Variants in PCDHGA5 observed in about 807,000 individuals in gnomAD.
The protein encoded by PCDHGA5 is protocadherin gamma-A5.
Under a neutral mutation model 56.7 loss-of-function variants are expected in PCDHGA5, and 36 were observed. The ratio of observed to expected loss-of-function variants is 0.64; its 90% CI spans 0.49 to 0.84. The LOEUF is 0.84. Among genes scored for constraint, PCDHGA5 ranks in the 40% least tolerant of loss-of-function variants. The probability of loss-of-function intolerance (pLI) is 0.00; values close to 1 mark genes in which losing one functional copy is unlikely to be tolerated. For missense variants in PCDHGA5, 1,305 were observed against 1,201.5 expected (o/e 1.09, Z -1.27); for synonymous variants, 563 against 520.2 (o/e 1.08, Z -1.12).
chr5:141,398,525 T>A, intron 1 of PCDHGA5: 1 of 1,613,440 alleles, frequency 6.2e-7, no homozygotes, highest in Non-Finnish European at 8.5e-7. Flanking sequence ...ACGCCAAAAT[T>A]CACGCAAAAT....
chr5:141,501,789 C>T (rs367954511), intron 2 of PCDHGA5, among the ~76,000 whole-genome samples: 1 of 152,262 alleles, frequency 6.6e-6, no homozygotes, highest in South Asian at 2.1e-4. Context: ...TCTCCCTCTG[C>T]TCATCTCTTA....
In PCDHGA5 at chr5:141,365,759, C is replaced by T. The variant is rs376978243; in HGVS notation, c.1429C>T (p.His477Tyr). 6.2e-7 allele frequency: 1 copy of T among 1,613,860 alleles called. No individual in the cohort carries two copies. Among genetic ancestry groups the T allele is most frequent in the South Asian group, 1.1e-5 (1 of 91,070 alleles). Residue 477 changes from histidine to tyrosine, a missense_variant, in exon 1 of 4, where the codon CAT becomes TAT. By Grantham distance (83) the His-to-Tyr change is moderately conservative. Coordinates refer to ENST00000518069, the MANE Select transcript of PCDHGA5 (RefSeq NM_018918.3). ...TGTCTCTATCTTCTCTGTGACAGCCCATGACCCCGACAGCGGCGACAACGC... is the reference window on the plus strand; with the variant it reads ...TGTCTCTATCTTCTCTGTGACAGCCTATGACCCCGACAGCGGCGACAACGC... ...RGVSIFSVTAHDPDSGDNARV... is the reference protein window; with the variant it reads ...RGVSIFSVTAYDPDSGDNARV...
chr5:141,365,164 C>T lies in PCDHGA5; in HGVS notation c.834C>T (p.Thr278=), dbSNP rs548514157. The T allele has an allele frequency of 2.2e-5, 35 of 1,613,882 alleles. No individual in the cohort carries two copies. The East Asian group carries it at 7.1e-4, about 33-fold the overall frequency. Residue 278 remains threonine, a synonymous_variant, in exon 1 of 4, where the codon ACC becomes ACT. Coordinates refer to ENST00000518069, the MANE Select transcript of PCDHGA5 (RefSeq NM_018918.3). ...ATGAGGGAATAAACGGGAAATTGAC[C>T]TACTCTTTTCGCAATGAAGAAGAAA... ...DPDEGINGKL[T]YSFRNEEEKI...
intron 1 of PCDHGA5, among the ~76,000 whole-genome samples, chr5:141,368,345 A>G (rs1765594153): frequency 6.6e-6 from 1 of 152,166 alleles, no homozygotes; most frequent in South Asian, 2.1e-4. Context: ...ATATACATAT[A>G]CACACACATA....
intron 1 of PCDHGA5, chr5:141,383,080 G>C: frequency 1.9e-6 from 3 of 1,613,930 alleles, no homozygotes; most frequent in Non-Finnish European, 2.5e-6. Context: ...GGAGCTGGCG[G>C]AGCGCGGAGT....
intron 1 of PCDHGA5, chr5:141,385,009 T>G: frequency 6.2e-7 from 1 of 1,614,140 alleles, no homozygotes; most frequent in Non-Finnish European, 8.5e-7. Flanking sequence ...CTCCTGCGTC[T>G]TCCTAGCCTT....
Position 141,493,034 on chromosome 5 carries a change from G to A in PCDHGA5, c.2422-1773G>A, listed in dbSNP as rs75211372. 6.6e-6 allele frequency among the ~76,000 whole-genome samples: 1 copy of A among 152,230 alleles called. No homozygotes were observed. Among genetic ancestry groups the A allele is most frequent in the African/African-American group, 2.4e-5 (1 of 41,458 alleles). On this transcript the variant is annotated intron_variant, in intron 1 of 3. Transcript: ENST00000518069. This position sits in a 1 kb window ranked among gnomAD's most constrained non-coding sequence, Gnocchi z 4.3. ...GCCAGATGCCAGGGTGCCCTTATGTGTGAGGAAACTACAATAGTAAAAAAC... is the reference window on the plus strand; with the variant it reads ...GCCAGATGCCAGGGTGCCCTTATGTATGAGGAAACTACAATAGTAAAAAAC...
chr5:141,491,810 G>T lies in PCDHGA5; in HGVS notation c.2422-2997G>T. 1 of 1,486,878 alleles carries T rather than the reference G, an allele frequency of 6.7e-7. No individual in the cohort carries two copies. The allele number at this position is 1,486,878 out of a possible 1,614,324, so 92.1% of individuals were successfully genotyped here. A position where few individuals can be genotyped will look rare whatever the true frequency, so the allele number is the denominator to read the frequency against. ...CCACTCCTCTCCGGCCGGCTTGGTC[G>T]CTGGCTGCGCTCCACCCGATTCTCG... On this transcript the variant is annotated intron_variant, in intron 1 of 3. Coordinates refer to ENST00000518069, the MANE Select transcript of PCDHGA5 (RefSeq NM_018918.3). This position sits in a 1 kb window ranked among gnomAD's most constrained non-coding sequence, Gnocchi z 6.9.
chr5:141,497,736 G>A (rs1437670417), intron 2 of PCDHGA5, among the ~76,000 whole-genome samples: 6 of 151,962 alleles, frequency 3.9e-5, no homozygotes, highest in Admixed American at 1.3e-4. Flanking sequence ...GATGGGTTTC[G>A]CCACGTTGGC....
intron 1 of PCDHGA5, chr5:141,396,533 T>A (rs942972836): frequency 2.0e-5 from 3 of 151,264 alleles, no homozygotes; most frequent in African/African-American, 7.3e-5. Flanking sequence ...GGCAGAAGAA[T>A]CACTTGAACC....
intron 1 of PCDHGA5, chr5:141,427,447 T>A (rs556527924): frequency 1.9e-4 from 92 of 483,324 alleles, no homozygotes; most frequent in African/African-American, 1.4e-3. Context: ...AACGAAAGAG[T>A]TCCTTTTAGA....
Position 141,388,879 on chromosome 5 carries a change from A to C in PCDHGA5, c.2421+22128A>C, listed in dbSNP as rs771776263. 3 of 1,613,956 alleles carry C rather than the reference A, an allele frequency of 1.9e-6. No individual in the cohort carries two copies. In the East Asian group the frequency reaches 6.7e-5, roughly 36 times the overall value. ...GGAATGATTGCGCAATGCACAGTGG[A>C]GGTAGAAGTCATAGATGAAAATGAC... On this transcript the variant is annotated intron_variant, in intron 1 of 3. Transcript: ENST00000518069.
At chr5:141,405,649 T>C (rs954605890) in intron 1 of PCDHGA5, 14 of 527,576 alleles carry the variant, frequency 2.7e-5, no homozygotes, top group Non-Finnish European at 6.7e-6. Flanking sequence ...TAATTTTTTG[T>C]GTGTTTTTAG....
At chr5:141,444,531 C>T (rs1021207516) in intron 1 of PCDHGA5, among the ~76,000 whole-genome samples, 2 of 152,100 alleles carry the variant, frequency 1.3e-5, no homozygotes, top group Non-Finnish European at 1.5e-5. Context: ...GAGACAGTGA[C>T]TGTGTCTAGT....
At position 141,477,039 on chromosome 5, in the gene PCDHGA5, G is replaced by C. The variant is rs1313580652; in HGVS notation, c.2422-17768G>C. Reference sequence around the variant, plus strand: ...GTAACCGGGATGCTGACAATCAAGGGTCGGCTGGACTTCGAGGACACCAAA... The same window carrying C: ...GTAACCGGGATGCTGACAATCAAGGCTCGGCTGGACTTCGAGGACACCAAA... On this transcript the variant is annotated intron_variant, in intron 1 of 3. Coordinates refer to ENST00000518069, the MANE Select transcript of PCDHGA5 (RefSeq NM_018918.3). This position sits in a 1 kb window ranked among gnomAD's most constrained non-coding sequence, Gnocchi z 4.9. 1 of 1,614,144 alleles carries C rather than the reference G, an allele frequency of 6.2e-7. No individual in the cohort carries two copies. The highest frequency in any genetic ancestry group is 8.5e-7 in the Non-Finnish European group (1 of 1,180,056).
Position 141,368,993 on chromosome 5 carries a change from G to A in PCDHGA5, c.2421+2242G>A, listed in dbSNP as rs968608216. Among the ~76,000 whole-genome samples, 4 of 152,098 alleles carry A rather than the reference G, an allele frequency of 2.6e-5. No homozygotes were observed. The East Asian group carries it at 5.8e-4, about 22-fold the overall frequency. Reference sequence around the variant, plus strand: ...TGCTTTTCCACTATAAGGTGAATTCGGTGTGGAACTCATTGCTTATTGCTG... The same window carrying A: ...TGCTTTTCCACTATAAGGTGAATTCAGTGTGGAACTCATTGCTTATTGCTG... On this transcript the variant is annotated intron_variant, in intron 1 of 3. Transcript: ENST00000518069.
At chr5:141,475,491 C>T (rs1321482409) in intron 1 of PCDHGA5, among the ~76,000 whole-genome samples, 2 of 152,202 alleles carry the variant, frequency 1.3e-5, no homozygotes, top group African/African-American at 4.8e-5. Flanking sequence ...AGAGATAAAA[C>T]TGAAATTATT....
At chr5:141,509,507 T>G (rs2099877110) in intron 3 of PCDHGA5, among the ~76,000 whole-genome samples, 1 of 151,792 alleles carries the variant, frequency 6.6e-6, no homozygotes, top group African/African-American at 2.4e-5. Flanking sequence ...GATGTGACGG[T>G]GTTGATGATG....
chr5:141,483,637 G>C (rs1365525499), intron 1 of PCDHGA5, among the ~76,000 whole-genome samples: 2 of 145,762 alleles, frequency 1.4e-5, no homozygotes. Context: ...AAGGTATAGA[G>C]GGGTGTGTGT....
Sources: gnomAD v4.1 joint callset for allele counts (sites outside exome capture counted in the v4.1 genomes callset) on GRCh38, gnomAD v4.1.1 for gene constraint, Gnocchi (gnomAD v3.1) non-coding constraint, MANE v1.5 for transcripts, NCBI Gene and HGNC (gene_info 2026-07-23, HGNC 2026-07-21) for gene names.